The following TBC1D5 variants were observed in gnomAD, a reference collection of about 807,000 sequenced individuals.
The protein encoded by TBC1D5 is TBC1 domain family member 5.
A neutral mutation model predicts 100.3 loss-of-function variants in TBC1D5; 75 were observed. The ratio of observed to expected loss-of-function variants is 0.75; its 90% CI spans 0.62 to 0.91. The LOEUF is 0.91. Ranked by LOEUF, TBC1D5 falls within the 40% of genes least tolerant of loss-of-function variation. The pLI is 0.00. For missense variants in TBC1D5, 910 were observed against 942.4 expected, an observed-to-expected ratio of 0.97 and a Z score of 0.45; for synonymous variants, 323 against 325.6, an observed-to-expected ratio of 0.99 and a Z score of 0.09.
intron 3 of TBC1D5, among the ~76,000 whole-genome samples, chr3:17,443,339 C>A (rs1005839371): frequency 6.6e-6 from 1 of 152,166 alleles, no homozygotes; most frequent in Admixed American, 6.5e-5. Flanking sequence ...TAGATTGACA[C>A]CAAGTAGCCA....
chr3:17,705,224 GCA>G, intron 1 of TBC1D5, among the ~76,000 whole-genome samples: 3 of 90,042 alleles, frequency 3.3e-5, no homozygotes, highest in African/African-American at 8.4e-5. Flanking sequence ...CTCCCGGACG[GCA>G]CGGCTGGCCA....
At chr3:17,446,284 T>C (rs544665935) in intron 3 of TBC1D5, among the ~76,000 whole-genome samples, 3 of 152,162 alleles carry the variant, frequency 2.0e-5, no homozygotes, top group Non-Finnish European at 4.4e-5. Context: ...ACAAATCCTA[T>C]TGATGAGAAG....
At chr3:17,284,321 T>C (rs1296330087) in intron 15 of TBC1D5, among the ~76,000 whole-genome samples, 1 of 152,160 alleles carries the variant, frequency 6.6e-6, no homozygotes, top group Non-Finnish European at 1.5e-5. Context: ...TTTTGCCACG[T>C]TGGCCAGGCT....
intron 14 of TBC1D5, among the ~76,000 whole-genome samples, chr3:17,295,171 G>A (rs1347688204): frequency 6.6e-6 from 1 of 152,182 alleles, no homozygotes; most frequent in Non-Finnish European, 1.5e-5. Flanking sequence ...TTTAGGGAAG[G>A]TAAAAGCAAA....
At chr3:17,705,831 C>A (rs546013142) in intron 1 of TBC1D5, among the ~76,000 whole-genome samples, 1 of 150,884 alleles carries the variant, frequency 6.6e-6, no homozygotes, top group Non-Finnish European at 1.5e-5. Flanking sequence ...ACACTCCTCA[C>A]TTCCCAGACG....
intron 13 of TBC1D5, among the ~76,000 whole-genome samples, chr3:17,332,854 G>A (rs941008907): frequency 3.9e-5 from 6 of 152,122 alleles, no homozygotes; most frequent in African/African-American, 1.4e-4. Flanking sequence ...ATGACAGGCC[G>A]AGAGTGGTGG....
At chr3:17,369,586 C>T (rs973447219) in intron 13 of TBC1D5, among the ~76,000 whole-genome samples, 4 of 152,154 alleles carry the variant, frequency 2.6e-5, no homozygotes, top group East Asian at 3.9e-4. Flanking sequence ...CTGGGTCAAG[C>T]GATCCTCCTG....
chr3:17,535,664 T>C (rs2096274599), intron 2 of TBC1D5, among the ~76,000 whole-genome samples: 1 of 152,082 alleles, frequency 6.6e-6, no homozygotes, highest in African/African-American at 2.4e-5. Flanking sequence ...TAAAAATCTG[T>C]TTAGTAGTTT....
chr3:17,674,444 T>C (rs1430493557), intron 1 of TBC1D5, among the ~76,000 whole-genome samples: 1 of 152,196 alleles, frequency 6.6e-6, no homozygotes, highest in South Asian at 2.1e-4. Flanking sequence ...AAAAAATTAC[T>C]ACCTTGTTAT....
chr3:17,515,544 T>C (rs1407188947), intron 2 of TBC1D5, among the ~76,000 whole-genome samples: 2 of 152,176 alleles, frequency 1.3e-5, no homozygotes, highest in Non-Finnish European at 2.9e-5. Flanking sequence ...CACAAAGAAG[T>C]TATGTGACTT....
At chr3:17,401,091 C>A (rs575093121) in intron 8 of TBC1D5, among the ~76,000 whole-genome samples, 10 of 151,998 alleles carry the variant, frequency 6.6e-5, no homozygotes, top group Admixed American at 1.3e-4. Context: ...CTCTAGAGAA[C>A]GCTAATACAT....
upstream of TBC1D5, among the ~76,000 whole-genome samples, chr3:17,741,281 T>C (rs1001121421): frequency 2.6e-5 from 4 of 152,188 alleles, no homozygotes; most frequent in Admixed American, 2.0e-4. Flanking sequence ...ATACTGCAGA[T>C]AGCTGTAAAA....
chr3:17,383,650 T>C (rs2093037415), intron 9 of TBC1D5, among the ~76,000 whole-genome samples: 3 of 152,188 alleles, frequency 2.0e-5, no homozygotes, highest in African/African-American at 7.2e-5. Flanking sequence ...ATGCTGTTTA[T>C]AAACAAACTC....
At chr3:17,294,119 T>G (rs370490598) in intron 14 of TBC1D5, among the ~76,000 whole-genome samples, 1 of 152,244 alleles carries the variant, frequency 6.6e-6, no homozygotes, top group African/African-American at 2.4e-5. Flanking sequence ...TTACTACTAC[T>G]CTAGTGAAGC....
At chr3:17,347,682 G>C (rs769151790) in intron 13 of TBC1D5, among the ~76,000 whole-genome samples, 23 of 152,062 alleles carry the variant, frequency 1.5e-4, no homozygotes, top group African/African-American at 5.5e-4. Context: ...GAAAGTCTGA[G>C]CTCGGAATTT....
chr3:17,521,936 C>G (rs867810083), intron 2 of TBC1D5, among the ~76,000 whole-genome samples: 5 of 151,994 alleles, frequency 3.3e-5, no homozygotes, highest in Non-Finnish European at 7.4e-5. Flanking sequence ...AAATGATGAG[C>G]TTACTTGCTG....
chr3:17,562,582 G>C (rs1377172304), intron 2 of TBC1D5, among the ~76,000 whole-genome samples: 2 of 150,096 alleles, frequency 1.3e-5, no homozygotes, highest in Non-Finnish European at 3.0e-5. Flanking sequence ...TATTTACTGT[G>C]AGTGATATGC....
chr3:17,446,341 A>G (rs541898785), intron 3 of TBC1D5, among the ~76,000 whole-genome samples: 1 of 152,324 alleles, frequency 6.6e-6, no homozygotes, highest in Non-Finnish European at 1.5e-5. Context: ...AAAAAAAGTA[A>G]AACAGATTCT....
At chr3:17,446,372 T>C (rs2094794187) in intron 3 of TBC1D5, among the ~76,000 whole-genome samples, 1 of 151,982 alleles carries the variant, frequency 6.6e-6, no homozygotes, top group South Asian at 2.1e-4. Flanking sequence ...AGGTGACAAA[T>C]CTATTGCATT....
Sources: gnomAD v4.1 joint callset for allele counts (sites outside exome capture counted in the v4.1 genomes callset) on GRCh38, gnomAD v4.1.1 for gene constraint, MANE v1.5 for transcripts, NCBI Gene and HGNC (gene_info 2026-07-23, HGNC 2026-07-21) for gene names.